The following DEPDC1B variants were observed in gnomAD, a reference collection of about 807,000 sequenced individuals.
DEPDC1B encodes the protein DEP domain containing 1B.
Under a neutral mutation model 66.5 loss-of-function variants are expected in DEPDC1B, and 51 were observed. That is an observed-to-expected ratio of 0.77 (90% CI 0.61 to 0.97). DEPDC1B has a LOEUF of 0.97. DEPDC1B is among the 50% of genes least tolerant of loss of function. The pLI is 0.00. For synonymous variants in DEPDC1B, 226 were observed against 223.6 expected (o/e 1.01, Z -0.10); for missense variants, 552 against 637.1 (o/e 0.87, Z 1.44).
chr5:60,672,548 A>G (rs1455921101), intron 2 of DEPDC1B, among the ~76,000 whole-genome samples: 1 of 152,222 alleles, frequency 6.6e-6, no homozygotes, highest in African/African-American at 2.4e-5. Flanking sequence ...ATCCTCCCCC[A>G]TGATCCAATC....
Position 60,668,649 on chromosome 5 carries a change from C to T in DEPDC1B, c.314+18313G>A, listed in dbSNP as rs544560923. Among the ~76,000 whole-genome samples, 5 of 152,154 alleles carry T rather than the reference C, an allele frequency of 3.3e-5. No individual in the cohort carries two copies. The South Asian group carries it at 1.0e-3, about 32-fold the overall frequency. ...GTGAAGAAAGGCAAAACACATGAAC[C>T]AGGCATTTCCAGATGTGGAATTAGG... On this transcript the variant is annotated intron_variant, in intron 2 of 10. Coordinates refer to ENST00000265036, the MANE Select transcript of DEPDC1B (RefSeq NM_018369.3).
intron 1 of DEPDC1B, among the ~76,000 whole-genome samples, chr5:60,693,548 A>G (rs541531294): frequency 7.2e-5 from 11 of 152,188 alleles, no homozygotes; most frequent in Non-Finnish European, 1.6e-4. Flanking sequence ...TATCTCTTAA[A>G]TTATAAGGTT....
In DEPDC1B at chr5:60,597,081, G is replaced by GCTAA. The variant is rs1476208160; in HGVS notation, c.*668_*671dup. The GCTAA allele has an allele frequency of 6.6e-6, 1 of 152,566 alleles. No individual in the cohort carries two copies. Among genetic ancestry groups the GCTAA allele is most frequent in the Non-Finnish European group, 1.5e-5 (1 of 68,018 alleles). 9.5% of individuals were successfully genotyped at this position (152,566 alleles called of 1,614,324 possible). ...TATCCAGTTCAACTTTCCATTTTTA[G>GCTAA]CTAAGACTGAAATTATACCATTGCA... is the stretch of plus-strand genomic sequence containing the variant. On this transcript the variant is annotated 3_prime_UTR_variant, in exon 11 of 11. Coordinates refer to ENST00000265036, the MANE Select transcript of DEPDC1B (RefSeq NM_018369.3).
intron 1 of DEPDC1B, among the ~76,000 whole-genome samples, chr5:60,692,341 T>A (rs1754564030): frequency 1.3e-5 from 2 of 152,186 alleles, no homozygotes; most frequent in South Asian, 2.1e-4. Flanking sequence ...AACAAAAAAA[T>A]GTTAAGTATT....
chr5:60,620,674 G>A lies in DEPDC1B; in HGVS notation c.899-14818C>T, dbSNP rs529340143. Among the ~76,000 whole-genome samples the A allele has an allele frequency of 5.9e-5, 9 of 152,242 alleles. No individual in the cohort carries two copies. In the South Asian group the frequency reaches 1.7e-3, roughly 28 times the overall value. On this transcript the variant is annotated intron_variant, in intron 7 of 10. Transcript: ENST00000265036. ...GGAGAGGATGTGGAGAAATAGGAAT[G>A]CTTTTACACTGTTGGTGGGACTGTA...
At chr5:60,649,085 T>C (rs1753384199) in intron 2 of DEPDC1B, among the ~76,000 whole-genome samples, 2 of 152,174 alleles carry the variant, frequency 1.3e-5, no homozygotes, top group African/African-American at 2.4e-5. Flanking sequence ...GCCCTCTGTT[T>C]ATTCTCCCAC....
At chr5:60,641,415 C>T (rs1219400077) in intron 6 of DEPDC1B, among the ~76,000 whole-genome samples, 1 of 147,898 alleles carries the variant, frequency 6.8e-6, no homozygotes, top group Non-Finnish European at 1.5e-5. Flanking sequence ...GTGGCACAAT[C>T]TCGGGTTCAT....
At chr5:60,623,950 C>T (rs545155215) in intron 7 of DEPDC1B, among the ~76,000 whole-genome samples, 12 of 152,160 alleles carry the variant, frequency 7.9e-5, no homozygotes, top group Admixed American at 3.9e-4. Flanking sequence ...TATCAGCAAA[C>T]GTAGTTTTAG....
At chr5:60,634,829 C>G (rs1034761301) in intron 7 of DEPDC1B, among the ~76,000 whole-genome samples, 6 of 151,784 alleles carry the variant, frequency 4.0e-5, no homozygotes, top group Non-Finnish European at 5.9e-5. Context: ...TGGTAGGCAG[C>G]AACAGTCATT....
chr5:60,649,569 A>G (rs1262892069), intron 2 of DEPDC1B, among the ~76,000 whole-genome samples: 1 of 152,182 alleles, frequency 6.6e-6, no homozygotes, highest in African/African-American at 2.4e-5. Flanking sequence ...TAATAATGTA[A>G]TATTTCACCT....
intron 2 of DEPDC1B, among the ~76,000 whole-genome samples, chr5:60,686,619 A>G (rs1335795428): frequency 1.3e-5 from 2 of 152,244 alleles, no homozygotes; most frequent in Non-Finnish European, 2.9e-5. Flanking sequence ...CCCATTGCTC[A>G]GAAAAGCTGA....
intron 1 of DEPDC1B, 105 bp from the exon 2 acceptor site, chr5:60,687,332 C>T (rs1399661024): frequency 1.5e-6 from 2 of 1,343,676 alleles, no homozygotes; most frequent in Admixed American, 4.5e-5. Context: ...ACTTAAACTG[C>T]TTTAATAACA....
chr5:60,610,668 A>C (rs1752397982), intron 7 of DEPDC1B, among the ~76,000 whole-genome samples: 3 of 152,230 alleles, frequency 2.0e-5, no homozygotes, highest in African/African-American at 7.2e-5. Context: ...AACTTATGTA[A>C]ACATCATCCA....
Position 60,686,961 on chromosome 5 carries a change from C to G in DEPDC1B, c.314+1G>C. On this transcript the variant is annotated splice_donor_variant, in intron 2 of 10. Coordinates refer to ENST00000265036, the MANE Select transcript of DEPDC1B (RefSeq NM_018369.3). LOFTEE classifies it high-confidence loss of function. Reference sequence around the variant, plus strand: ...CTTCCAGGTTTACATGTTGCCATTACCTGTATAAGTGACGATTGTCTTCAA... The same window carrying G: ...CTTCCAGGTTTACATGTTGCCATTAGCTGTATAAGTGACGATTGTCTTCAA... 6.2e-7 allele frequency: 1 copy of G among 1,614,084 alleles called. No individual in the cohort carries two copies. The highest frequency in any genetic ancestry group is 8.5e-7 in the Non-Finnish European group (1 of 1,179,944).
intron 7 of DEPDC1B, among the ~76,000 whole-genome samples, chr5:60,637,045 T>G (rs1215697680): frequency 2.6e-5 from 4 of 152,228 alleles, no homozygotes; most frequent in African/African-American, 9.6e-5. Context: ...ACAGATACTT[T>G]TACTATAGAA....
chr5:60,673,283 T>TA (rs1754085215), intron 2 of DEPDC1B, among the ~76,000 whole-genome samples: 1 of 152,138 alleles, frequency 6.6e-6, no homozygotes, highest in Non-Finnish European at 1.5e-5. Context: ...TGTGAAACAA[T>TA]AAATTCGAAT....
intron 1 of DEPDC1B, among the ~76,000 whole-genome samples, chr5:60,690,849 A>G (rs1049686519): frequency 1.3e-5 from 2 of 151,936 alleles, no homozygotes; most frequent in African/African-American, 2.4e-5. Flanking sequence ...CTGCCCAACC[A>G]CCTGAGAAAC....
Position 60,687,195 on chromosome 5 carries a change from C to T in DEPDC1B, c.81G>A (p.Lys27=), listed in dbSNP as rs553865612. ...WNETVELFRA[K]MPLRKHRCRF... is the part of the protein sequence containing the mutation. ...GACAGCGATGTTTCCGTAACGGCAT[C>T]TTAGCACGAAAAAGCTCCACGGTCT... Residue 27 remains lysine (K), a synonymous_variant, in exon 2 of 11, where the codon AAG becomes AAA. Coordinates refer to ENST00000265036, the MANE Select transcript of DEPDC1B (RefSeq NM_018369.3). The T allele has an allele frequency of 1.2e-6, 2 of 1,612,766 alleles. No homozygotes were observed. The highest frequency in any genetic ancestry group is 2.7e-5 in the African/African-American group (2 of 75,006).
At position 60,597,829 on chromosome 5, in the gene DEPDC1B, G is replaced by T. The variant is rs755431500; in HGVS notation, c.1514C>A (p.Pro505Gln). 6.2e-7 allele frequency: 1 copy of T among 1,613,352 alleles called. No homozygotes were observed. Among genetic ancestry groups the T allele is most frequent in the Non-Finnish European group, 8.5e-7 (1 of 1,179,610 alleles). The change falls in exon 11 of 11, where the codon CCG becomes CAG. Residue 505 changes from proline (P) to glutamine (Q), a missense_variant. Transcript: ENST00000265036. ...TGCCCACATTAGCAGCTGTGGTTTCGGTTTGGGTTTTTCAGGAAACAGAAG... is the reference window on the plus strand; with the variant it reads ...TGCCCACATTAGCAGCTGTGGTTTCTGTTTGGGTTTTTCAGGAAACAGAAG... Reference protein sequence around the residue: ...AALLFPEKPKPKPQLLMWALK... With the variant: ...AALLFPEKPKQKPQLLMWALK...
Sources: gnomAD v4.1 joint callset for allele counts (sites outside exome capture counted in the v4.1 genomes callset) on GRCh38, gnomAD v4.1.1 for gene constraint, MANE v1.5 for transcripts, NCBI Gene and HGNC (gene_info 2026-07-23, HGNC 2026-07-21) for gene names.